PAPPA2: variants seen among roughly 807,000 people sequenced by gnomAD.
PAPPA2 encodes pappalysin 2.
Under a neutral mutation model 176.4 loss-of-function variants are expected in PAPPA2, and 86 were observed. The observed-to-expected ratio is 0.49, with a 90% confidence interval of 0.41 to 0.58. The LOEUF (loss-of-function observed/expected upper bound fraction) is 0.58. Among genes scored for constraint, PAPPA2 ranks in the 20% least tolerant of loss-of-function variants. The pLI is 0.00. For synonymous variants in PAPPA2, 809 were observed against 852.2 expected (o/e 0.95, Z 0.88); for missense variants, 2,073 against 2,256.9 (o/e 0.92, Z 1.65).
intron 17 of PAPPA2, among the ~76,000 whole-genome samples, chr1:176,789,049 G>C (rs187613650): frequency 6.6e-6 from 1 of 152,000 alleles, no homozygotes; most frequent in African/African-American, 2.4e-5. Context: ...CTGACATTTC[G>C]TTGTACTTAG....
At position 176,502,235 on chromosome 1, in the gene PAPPA2, G is replaced by T. The variant is rs146260514; in HGVS notation, c.-917+38817G>T. Among the ~76,000 whole-genome samples, 671 of 152,288 alleles carry T rather than the reference G, an allele frequency of 4.4e-3. 4 individuals are homozygous for T. The highest frequency in any genetic ancestry group is 0.015 in the African/African-American group (625 of 41,560). On this transcript the variant is annotated intron_variant, in intron 1 of 22. Coordinates refer to ENST00000367662, the MANE Select transcript of PAPPA2 (RefSeq NM_020318.3). ...TGTTTGAAAGCATTGGAATGAGGTG[G>T]TGATGCCCCAAACAAGGTTTTTGCC... is the stretch of plus-strand genomic sequence containing the variant.
At chr1:176,615,511 T>C (rs974449441) in intron 3 of PAPPA2, among the ~76,000 whole-genome samples, 3 of 152,040 alleles carry the variant, frequency 2.0e-5, no homozygotes, top group Non-Finnish European at 2.9e-5. Context: ...GTATTTTTAG[T>C]AGGGACGGGG....
chr1:176,591,076 C>G (rs1333518841), intron 2 of PAPPA2, among the ~76,000 whole-genome samples: 1 of 125,874 alleles, frequency 7.9e-6, no homozygotes, highest in Non-Finnish European at 1.6e-5. Flanking sequence ...TAAATATAGT[C>G]ACACACATGC....
At chr1:176,668,650 C>T (rs116512227) in intron 3 of PAPPA2, among the ~76,000 whole-genome samples, 357 of 152,266 alleles carry the variant, frequency 2.3e-3, no homozygotes, top group African/African-American at 7.8e-3. Context: ...AAAGCAGACA[C>T]AGTGACCTCT....
chr1:176,596,485 A>G (rs1653993618), intron 3 of PAPPA2, among the ~76,000 whole-genome samples: 1 of 152,202 alleles, frequency 6.6e-6, no homozygotes, highest in Non-Finnish European at 1.5e-5. Context: ...ATACCTACTT[A>G]GATGTTACCA....
At chr1:176,680,814 G>A (rs996575909) in intron 4 of PAPPA2, among the ~76,000 whole-genome samples, 2 of 152,112 alleles carry the variant, frequency 1.3e-5, no homozygotes. Flanking sequence ...TTGTGTCTGT[G>A]GATGAATAGT....
At chr1:176,476,893 A>G (rs982501110) in intron 1 of PAPPA2, among the ~76,000 whole-genome samples, 5 of 152,110 alleles carry the variant, frequency 3.3e-5, no homozygotes, top group African/African-American at 1.2e-4. Flanking sequence ...TTGCACTTGG[A>G]TATTTGCCTG....
At chr1:176,630,507 G>C (rs1349861969) in intron 3 of PAPPA2, among the ~76,000 whole-genome samples, 4 of 152,172 alleles carry the variant, frequency 2.6e-5, no homozygotes, top group Non-Finnish European at 4.4e-5. Context: ...ACTGAAGATT[G>C]TTTAAACAGA....
At chr1:176,834,995 G>T (rs1490989222) in intron 21 of PAPPA2, among the ~76,000 whole-genome samples, 1 of 151,984 alleles carries the variant, frequency 6.6e-6, no homozygotes, top group Non-Finnish European at 1.5e-5. Context: ...GTGAAGCTAT[G>T]GGGGTCCAGA....
At chr1:176,803,140 A>C (rs372211957) in intron 21 of PAPPA2, among the ~76,000 whole-genome samples, 1 of 152,208 alleles carries the variant, frequency 6.6e-6, no homozygotes, top group Admixed American at 6.5e-5. Flanking sequence ...CAACTTAGTT[A>C]ATGGAAAACT....
At chr1:176,578,441 C>G (rs149119118) in intron 2 of PAPPA2, among the ~76,000 whole-genome samples, 1 of 152,220 alleles carries the variant, frequency 6.6e-6, no homozygotes, top group East Asian at 1.9e-4. Flanking sequence ...GGGAAATGCT[C>G]CTTTTCTGAG....
intron 3 of PAPPA2, among the ~76,000 whole-genome samples, chr1:176,622,248 C>T (rs898358891): frequency 6.6e-6 from 1 of 152,046 alleles, no homozygotes; most frequent in African/African-American, 2.4e-5. Context: ...TGATATGAGT[C>T]CTGATTTTTG....
intron 14 of PAPPA2, among the ~76,000 whole-genome samples, chr1:176,744,220 T>C (rs934511484): frequency 6.6e-5 from 10 of 152,236 alleles, no homozygotes; most frequent in Non-Finnish European, 1.3e-4. Context: ...TAAATGCCTG[T>C]GGCTTTGTAT....
At chr1:176,591,085 G>GCACACACACACACA (rs66535582) in intron 2 of PAPPA2, among the ~76,000 whole-genome samples, 2 of 142,246 alleles carry the variant, frequency 1.4e-5, no homozygotes, top group South Asian at 2.2e-4. Flanking sequence ...TCACACACAT[G>GCACACACACACACA]CACACACACA....
chr1:176,762,347 A>G (rs1663739559), intron 14 of PAPPA2, among the ~76,000 whole-genome samples: 1 of 149,070 alleles, frequency 6.7e-6, no homozygotes, highest in East Asian at 2.0e-4. Context: ...CTCCTGCTGG[A>G]TGGACTTCTC....
At chr1:176,540,298 T>C (rs562050451) in intron 1 of PAPPA2, among the ~76,000 whole-genome samples, 46 of 152,344 alleles carry the variant, frequency 3.0e-4, no homozygotes, top group African/African-American at 1.1e-3. Flanking sequence ...ACATAAGCTG[T>C]TCCCTTTCTA....
intron 15 of PAPPA2, among the ~76,000 whole-genome samples, chr1:176,767,441 G>A (rs558266557): frequency 4.6e-5 from 7 of 152,070 alleles, no homozygotes; most frequent in Non-Finnish European, 8.8e-5. Context: ...TCCACCTCCC[G>A]GGTTCAAGCG....
At chr1:176,497,481 T>A (rs1009450186) in intron 1 of PAPPA2, among the ~76,000 whole-genome samples, 1 of 152,222 alleles carries the variant, frequency 6.6e-6, no homozygotes, top group African/African-American at 2.4e-5. Flanking sequence ...GCTCTACATT[T>A]TGGAGCAGGG....
At chr1:176,627,090 C>A (rs1238095906) in intron 3 of PAPPA2, among the ~76,000 whole-genome samples, 1 of 151,942 alleles carries the variant, frequency 6.6e-6, no homozygotes, top group East Asian at 1.9e-4. Context: ...CAGGCCTGTA[C>A]ATCCAGACCT....
Sources: allele counts gnomAD v4.1 joint callset (sites outside exome capture counted in the v4.1 genomes callset), GRCh38; gene constraint gnomAD v4.1.1; transcripts MANE v1.5; gene names NCBI Gene and HGNC (gene_info 2026-07-23, HGNC 2026-07-21).